HTR4: variants seen among roughly 807,000 people sequenced by gnomAD.
The protein encoded by HTR4 is 5-hydroxytryptamine receptor 4.
Under a neutral mutation model 36.8 loss-of-function variants are expected in HTR4, and 16 were observed. The observed-to-expected ratio is 0.43, with a 90% CI of 0.29 to 0.66. The LOEUF (loss-of-function observed/expected upper bound fraction) is 0.66, where lower values mean the gene tolerates loss of function less well. HTR4 is among the 30% of genes least tolerant of loss of function. HTR4 has a pLI of 0.13. For synonymous variants in HTR4, 189 were observed against 185.1 expected, an observed-to-expected ratio of 1.02 and a Z score of -0.17; for missense variants, 438 against 490.9, an observed-to-expected ratio of 0.89 and a Z score of 1.02.
At chr5:148,451,368 T>C (rs1754969858) in intron 5 of HTR4, 2 of 1,585,788 alleles carry the variant, frequency 1.3e-6, no homozygotes, top group African/African-American at 1.3e-5. Flanking sequence ...TTCCTTTCTT[T>C]GCATACTTCT....
intron 2 of HTR4, among the ~76,000 whole-genome samples, chr5:148,582,148 T>C (rs1761160254): frequency 6.6e-6 from 1 of 152,108 alleles, no homozygotes; most frequent in African/African-American, 2.4e-5. Flanking sequence ...AAAGAATAGA[T>C]ATGCAACTCA....
chr5:148,648,042 T>C (rs1460870402), intron 1 of HTR4, among the ~76,000 whole-genome samples: 4 of 152,198 alleles, frequency 2.6e-5, no homozygotes, highest in Admixed American at 2.6e-4. Flanking sequence ...GGTGAATAGA[T>C]AGACAGAAAT....
chr5:148,644,338 A>G (rs1403570931), intron 1 of HTR4, among the ~76,000 whole-genome samples: 1 of 151,280 alleles, frequency 6.6e-6, no homozygotes, highest in African/African-American at 2.4e-5. Context: ...AAAGGATTCA[A>G]ATAGGTGCTA....
At chr5:148,596,929 T>C (rs886193177) in intron 2 of HTR4, among the ~76,000 whole-genome samples, 1 of 152,064 alleles carries the variant, frequency 6.6e-6, no homozygotes, top group Admixed American at 6.6e-5. Flanking sequence ...CCAGATCAAG[T>C]GTAATAAGCC....
At chr5:148,473,319 A>G (rs1245844305), downstream of HTR4, among the ~76,000 whole-genome samples, 1 of 151,258 alleles carries the variant, frequency 6.6e-6, no homozygotes. Flanking sequence ...AAAAAAAAAA[A>G]GAGGTAGAAG....
intron 2 of HTR4, among the ~76,000 whole-genome samples, chr5:148,575,809 C>T (rs1054186648): frequency 1.3e-5 from 2 of 151,882 alleles, no homozygotes; most frequent in African/African-American, 4.8e-5. Flanking sequence ...AAGCATTCTC[C>T]TTGAAAACCG....
chr5:148,455,450 T>C (rs1445228819), intron 5 of HTR4, among the ~76,000 whole-genome samples: 1 of 152,200 alleles, frequency 6.6e-6, no homozygotes, highest in Admixed American at 6.5e-5. Flanking sequence ...TTCACACGTC[T>C]CTCCTCATAA....
chr5:148,649,528 A>T (rs1482184752), intron 1 of HTR4, among the ~76,000 whole-genome samples: 1 of 152,194 alleles, frequency 6.6e-6, no homozygotes. Context: ...AGTAGACAAG[A>T]TATTAAAGGA....
chr5:148,548,488 G>A (rs1323185208), intron 4 of HTR4, among the ~76,000 whole-genome samples, 180 bp downstream of exon 4: 1 of 152,168 alleles, frequency 6.6e-6, no homozygotes, highest in Admixed American at 6.6e-5. Context: ...GCCTCAGAGA[G>A]GGCCTGACTA....
chr5:148,576,404 A>C (rs971666834), intron 2 of HTR4, among the ~76,000 whole-genome samples: 4 of 152,190 alleles, frequency 2.6e-5, no homozygotes, highest in Admixed American at 2.6e-4. Context: ...AAAGCAGTTT[A>C]CAGATTCAAT....
At chr5:148,633,523 TC>T (rs1014649274) in intron 2 of HTR4, among the ~76,000 whole-genome samples, 1 of 122,414 alleles carries the variant, frequency 8.2e-6, no homozygotes, top group African/African-American at 3.0e-5. Context: ...ATGCTATCCC[TC>T]CCCCCTCCCC....
intron 2 of HTR4, among the ~76,000 whole-genome samples, chr5:148,585,649 T>C (rs1015892051): frequency 1.3e-5 from 2 of 152,310 alleles, no homozygotes; most frequent in Middle Eastern, 6.8e-3. Context: ...CTTGCAGGCA[T>C]ACCTAGGTCA....
intron 1 of HTR4, among the ~76,000 whole-genome samples, chr5:148,653,163 A>G (rs1754088691): frequency 6.6e-6 from 1 of 152,196 alleles, no homozygotes; most frequent in South Asian, 2.1e-4. Context: ...GCGATGGAAG[A>G]CAGGGAGGGC....
intron 2 of HTR4, among the ~76,000 whole-genome samples, chr5:148,551,895 A>C (rs1238028296): frequency 1.3e-5 from 2 of 152,212 alleles, no homozygotes; most frequent in Non-Finnish European, 2.9e-5. Context: ...CCACATTTGA[A>C]TATGGGAAAA....
At chr5:148,643,208 C>A (rs1468856434) in intron 1 of HTR4, among the ~76,000 whole-genome samples, 1 of 152,094 alleles carries the variant, frequency 6.6e-6, no homozygotes, top group Admixed American at 6.6e-5. Context: ...CTTTTCTCAG[C>A]TGGGTAAATA....
chr5:148,644,029 G>A (rs1038568307), intron 1 of HTR4, among the ~76,000 whole-genome samples: 9 of 152,176 alleles, frequency 5.9e-5, no homozygotes, highest in African/African-American at 1.7e-4. Context: ...TCACCCGGAG[G>A]CTTGTAAAAA....
chr5:148,458,211 C>A (rs560684662), intron 5 of HTR4, among the ~76,000 whole-genome samples: 2 of 148,394 alleles, frequency 1.3e-5, no homozygotes, highest in African/African-American at 5.0e-5. Context: ...ATATAAAGTG[C>A]CTTGGTTTAA....
chr5:148,646,011 A>T (rs1183749159), intron 1 of HTR4: 1 of 152,252 alleles, frequency 6.6e-6, no homozygotes, highest in Non-Finnish European at 1.5e-5. Context: ...AACTCTTTAC[A>T]ACTAGTATTT....
At chr5:148,532,997 C>G (rs893649560) in intron 4 of HTR4, among the ~76,000 whole-genome samples, 2 of 152,102 alleles carry the variant, frequency 1.3e-5, no homozygotes, top group Non-Finnish European at 2.9e-5. Context: ...GGAGGAGTTA[C>G]CAAAAGATTT....
Sources: gnomAD v4.1 joint callset for allele counts (sites outside exome capture counted in the v4.1 genomes callset) on GRCh38, gnomAD v4.1.1 for gene constraint, MANE v1.5 for transcripts, NCBI Gene and HGNC (gene_info 2026-07-23, HGNC 2026-07-21) for gene names.